Variants in CCDC138 observed in about 807,000 individuals in gnomAD.
CCDC138 encodes coiled-coil domain-containing protein 138.
A neutral mutation model predicts 82.3 loss-of-function variants in CCDC138; 66 were observed. That is an observed-to-expected ratio of 0.80 (90% CI 0.66 to 0.98). The LOEUF is 0.98. Ranked by LOEUF, CCDC138 falls within the 50% of genes least tolerant of loss-of-function variation. The probability of loss-of-function intolerance (pLI) is 0.00; values close to 1 mark genes in which losing one functional copy is unlikely to be tolerated. For synonymous variants in CCDC138, 297 were observed against 265.4 expected (o/e 1.12, Z -1.16); for missense variants, 816 against 758.9 (o/e 1.08, Z -0.88).
chr2:108,817,471 T>G (rs1240391256), intron 10 of CCDC138, among the ~76,000 whole-genome samples: 2 of 152,070 alleles, frequency 1.3e-5, no homozygotes, highest in Admixed American at 1.3e-4. Context: ...TTTTGTATTT[T>G]TAGTAGAGAC....
At chr2:108,875,611 A>G (rs1343919932) in intron 14 of CCDC138, among the ~76,000 whole-genome samples, 1 of 152,208 alleles carries the variant, frequency 6.6e-6, no homozygotes, top group Admixed American at 6.5e-5. Context: ...TAGTCTCAGC[A>G]CTTTGGGAGG....
chr2:108,834,807 A>T (rs1055909620), intron 10 of CCDC138, among the ~76,000 whole-genome samples: 1 of 152,130 alleles, frequency 6.6e-6, no homozygotes, highest in Non-Finnish European at 1.5e-5. Context: ...TTCTATCTCT[A>T]TGAATTTGCA....
At position 108,870,121 on chromosome 2, in the gene CCDC138, A is replaced by G. The variant is rs527980097; in HGVS notation, c.1694-3330A>G. On this transcript the variant is annotated intron_variant, in intron 13 of 14. Transcript: ENST00000295124. The stretch of plus-strand genomic sequence containing the variant: ...CAATGAGTTAATGAGAAATAATGAA[A>G]TCAGGGAAATGATACATGAACAAAA... 6.7e-4 allele frequency among the ~76,000 whole-genome samples: 102 copies of G among 152,338 alleles called. 1 individual carries two copies. Among genetic ancestry groups the G allele is most frequent in the Middle Eastern group, 6.8e-3 (2 of 294 alleles).
chr2:108,786,782 GA>G lies in CCDC138; in HGVS notation c.-39del. 6.5e-7 allele frequency: 1 copy of G among 1,539,764 alleles called. No individual in the cohort carries two copies. The highest frequency in any genetic ancestry group is 1.4e-5 in the African/African-American group (1 of 73,194). On this transcript the variant is annotated 5_prime_UTR_variant, in exon 1 of 15. Coordinates refer to ENST00000295124, the MANE Select transcript of CCDC138 (RefSeq NM_144978.3). ...GGCCGCGTAGCGCCGCGGGTTTGAT[GA>G]ACGCGGTTCCCGGGGAGACTGGTAC...
rs1466473168 is a variant in CCDC138 at position 108,815,979 on chromosome 2, C to A, written c.1080C>A (p.Val360=). The A allele has an allele frequency of 6.2e-7, 1 of 1,613,192 alleles. No individual in the cohort carries two copies. Among genetic ancestry groups the A allele is most frequent in the East Asian group, 2.2e-5 (1 of 44,834 alleles). ...LNGQVYELLT[V]FMDWISDHHL... is the part of the protein sequence containing the mutation. ...GGCAAGTTTATGAACTTTTAACTGT[C>A]TTCATGGACTGGATTTCGGATCATC... The change falls in exon 10 of 15, where the codon GTC becomes GTA. Residue 360 remains valine, a synonymous_variant. Transcript: ENST00000295124.
At chr2:108,805,061 T>TTA (rs1255968385) in intron 7 of CCDC138, 53 bp downstream of exon 7, 1 of 1,021,790 alleles carries the variant, frequency 9.8e-7, no homozygotes, top group African/African-American at 1.7e-5. Context: ...GAAGTATATT[T>TTA]TATATATAAC....
At chr2:108,864,243 C>G (rs1237471949) in intron 13 of CCDC138, among the ~76,000 whole-genome samples, 1 of 151,902 alleles carries the variant, frequency 6.6e-6, no homozygotes, top group Non-Finnish European at 1.5e-5. Flanking sequence ...GCTAAGAAAG[C>G]AAATAATTAA....
chr2:108,787,685 T>A (rs552914595), intron 1 of CCDC138, among the ~76,000 whole-genome samples: 1 of 152,316 alleles, frequency 6.6e-6, no homozygotes, highest in Admixed American at 6.5e-5. Context: ...TGGAACAGGT[T>A]CACAGCCTTT....
At chr2:108,832,923 T>A (rs1687942784) in intron 10 of CCDC138, among the ~76,000 whole-genome samples, 1 of 152,144 alleles carries the variant, frequency 6.6e-6, no homozygotes, top group Non-Finnish European at 1.5e-5. Flanking sequence ...ATCCCACAGA[T>A]AAGAGGGAGA....
chr2:108,859,850 T>C (rs1163134758), intron 13 of CCDC138, among the ~76,000 whole-genome samples: 3 of 152,160 alleles, frequency 2.0e-5, no homozygotes, highest in African/African-American at 7.2e-5. Flanking sequence ...ATAATGTTGG[T>C]AATTTGATAG....
chr2:108,835,915 G>A (rs1688495670), intron 10 of CCDC138, among the ~76,000 whole-genome samples: 1 of 152,142 alleles, frequency 6.6e-6, no homozygotes, highest in African/African-American at 2.4e-5. Context: ...ACATGGCACA[G>A]GGCAGAAGAG....
At chr2:108,805,071 CAAATT>C (rs1431824049) in intron 7 of CCDC138, 63 bp downstream of exon 7, 4 of 925,744 alleles carry the variant, frequency 4.3e-6, no homozygotes, top group Admixed American at 6.9e-5. Context: ...TTATATATAA[CAAATT>C]AAAGTCAGCC....
At chr2:108,866,323 CTAATT>C (rs1694408842) in intron 13 of CCDC138, among the ~76,000 whole-genome samples, 1 of 152,194 alleles carries the variant, frequency 6.6e-6, no homozygotes, top group Admixed American at 6.5e-5. Flanking sequence ...CTCAGTATCT[CTAATT>C]TAATCACATC....
intron 10 of CCDC138, among the ~76,000 whole-genome samples, chr2:108,826,455 C>A (rs535947681): frequency 3.3e-5 from 5 of 152,036 alleles, no homozygotes; most frequent in Admixed American, 6.6e-5. Context: ...AGGAGTGTAA[C>A]CTCATTTTTT....
intron 10 of CCDC138, among the ~76,000 whole-genome samples, chr2:108,832,107 T>G (rs12712024): frequency 0.92 from 139,463 of 151,774 alleles, 64,109 homozygotes; most frequent in East Asian, 1. Context: ...TCAGCTCCCT[T>G]CAACCTCCGC....
At chr2:108,815,681 C>T (rs1437715324) in intron 9 of CCDC138, among the ~76,000 whole-genome samples, 2 of 151,820 alleles carry the variant, frequency 1.3e-5, no homozygotes, top group East Asian at 3.9e-4. Flanking sequence ...AGGCTGGTCT[C>T]GAACTCCTAG....
At chr2:108,867,494 T>A (rs1487258541) in intron 13 of CCDC138, among the ~76,000 whole-genome samples, 2 of 152,204 alleles carry the variant, frequency 1.3e-5, no homozygotes. Flanking sequence ...TGGATTACCC[T>A]GCTCCAAGAG....
At chr2:108,863,017 C>A (rs1298045900) in intron 13 of CCDC138, among the ~76,000 whole-genome samples, 1 of 152,150 alleles carries the variant, frequency 6.6e-6, no homozygotes, top group African/African-American at 2.4e-5. Flanking sequence ...TAAACTTGTT[C>A]TACACATCTA....
intron 1 of CCDC138, among the ~76,000 whole-genome samples, chr2:108,881,878 T>C (rs1696301057): frequency 6.6e-6 from 1 of 152,154 alleles, no homozygotes; most frequent in Non-Finnish European, 1.5e-5. Context: ...GCACGATGGC[T>C]CACTCTTGTA....
Sources: allele counts gnomAD v4.1 joint callset (sites outside exome capture counted in the v4.1 genomes callset), GRCh38; gene constraint gnomAD v4.1.1; transcripts MANE v1.5; gene names NCBI Gene and HGNC (gene_info 2026-07-23, HGNC 2026-07-21).